Variants in WWOX observed in about 807,000 individuals in gnomAD.
WWOX encodes WW domain containing oxidoreductase.
A neutral mutation model predicts 46.2 loss-of-function variants in WWOX; 69 were observed. That is an observed-to-expected ratio of 1.49 (90% confidence interval 1.23 to 1.82). The LOEUF is 1.82. WWOX is among the 40% of genes most tolerant of loss of function. The pLI is 0.00. For missense variants in WWOX, 919 were observed against 542.6 expected (o/e 1.69, Z -6.89); for synonymous variants, 359 against 202.6 (o/e 1.77, Z -6.56).
intron 8 of WWOX, among the ~76,000 whole-genome samples, chr16:79,022,345 A>G (rs1000675144): frequency 1.5e-5 from 1 of 65,254 alleles, no homozygotes; most frequent in African/African-American, 9.4e-5. Context: ...AATCTGTGGC[A>G]AAAAAAAAAA....
intron 5 of WWOX, among the ~76,000 whole-genome samples, chr16:78,380,419 A>G (rs145270760): frequency 1.6e-3 from 238 of 152,276 alleles, no homozygotes; most frequent in Admixed American, 4.1e-3. Context: ...AAGATGCTAT[A>G]GGGATAAATA....
intron 8 of WWOX, among the ~76,000 whole-genome samples, chr16:78,709,630 C>G (rs2048396559): frequency 6.6e-6 from 1 of 152,094 alleles, no homozygotes; most frequent in Non-Finnish European, 1.5e-5. Context: ...CATTTCAGGC[C>G]TTTTAACAGG....
At chr16:79,002,518 C>G (rs13337599) in intron 8 of WWOX, among the ~76,000 whole-genome samples, 4 of 152,052 alleles carry the variant, frequency 2.6e-5, no homozygotes, top group African/African-American at 7.2e-5. Context: ...CCACCGCACC[C>G]GGCCCCTGCC....
chr16:78,160,229 C>A (rs1008928399), intron 4 of WWOX, among the ~76,000 whole-genome samples: 7 of 151,900 alleles, frequency 4.6e-5, no homozygotes, highest in African/African-American at 1.7e-4. Context: ...GTCACCCAGG[C>A]TGGAGTGAAG....
chr16:78,783,726 T>C (rs371857346), intron 8 of WWOX, among the ~76,000 whole-genome samples: 1 of 76,690 alleles, frequency 1.3e-5, no homozygotes, highest in Non-Finnish European at 2.6e-5. Flanking sequence ...GGTGATGATG[T>C]TGATGTTGAT....
chr16:78,679,781 C>G (rs941189057), intron 8 of WWOX, among the ~76,000 whole-genome samples: 1 of 152,116 alleles, frequency 6.6e-6, no homozygotes. Flanking sequence ...TGATGGCTGC[C>G]AAGAGAACAG....
At chr16:78,186,835 C>T (rs117417132) in intron 5 of WWOX, among the ~76,000 whole-genome samples, 1,688 of 152,274 alleles carry the variant, frequency 0.011, 50 homozygotes, top group East Asian at 0.065. Context: ...GAAGAATAGT[C>T]TATAGTATTC....
chr16:79,211,046 TGTGTGTGTGTGC>T (rs2051723617), intron 8 of WWOX, among the ~76,000 whole-genome samples: 1 of 151,888 alleles, frequency 6.6e-6, no homozygotes, highest in African/African-American at 2.4e-5. Flanking sequence ...TGTGTGTGTG[TGTGTGTGTGTGC>T]ATTAAATGTT....
chr16:78,132,814 A>G (rs542919746), intron 4 of WWOX, among the ~76,000 whole-genome samples: 2 of 152,294 alleles, frequency 1.3e-5, no homozygotes, highest in Admixed American at 1.3e-4. Flanking sequence ...AATGCTGGTT[A>G]TTAATCTGAC....
intron 8 of WWOX, among the ~76,000 whole-genome samples, chr16:78,785,789 G>A (rs1463859889): frequency 4.6e-5 from 7 of 151,782 alleles, no homozygotes; most frequent in Non-Finnish European, 2.9e-5. Context: ...ATCCTTCTTT[G>A]CTGAATTGGA....
intron 5 of WWOX, among the ~76,000 whole-genome samples, chr16:78,301,218 A>T (rs376512658): frequency 1.8e-4 from 28 of 152,370 alleles, no homozygotes; most frequent in South Asian, 1.0e-3. Context: ...AACAAGATTT[A>T]CTGAATTATT....
chr16:79,158,042 G>T (rs933492161), intron 8 of WWOX, among the ~76,000 whole-genome samples: 6 of 152,162 alleles, frequency 3.9e-5, no homozygotes, highest in African/African-American at 1.4e-4. Context: ...TGAGTTGTTT[G>T]CTGCCTCTAG....
intron 8 of WWOX, among the ~76,000 whole-genome samples, chr16:78,768,576 T>G (rs899029102): frequency 2.7e-5 from 4 of 146,966 alleles, no homozygotes; most frequent in East Asian, 2.0e-4. Context: ...GGTGACACAG[T>G]GAGACTTCAT....
At chr16:79,159,616 C>T (rs576935627) in intron 8 of WWOX, among the ~76,000 whole-genome samples, 3 of 152,256 alleles carry the variant, frequency 2.0e-5, no homozygotes, top group Non-Finnish European at 4.4e-5. Flanking sequence ...TGATGAGTCC[C>T]CCAGAGATTG....
intron 5 of WWOX, among the ~76,000 whole-genome samples, chr16:78,165,050 G>A (rs151112565): frequency 5.8e-3 from 885 of 152,344 alleles, no homozygotes; most frequent in Non-Finnish European, 8.3e-3. Context: ...CACAAGCCTG[G>A]AGATTTCAAG....
intron 5 of WWOX, among the ~76,000 whole-genome samples, chr16:78,200,951 A>C (rs2036211592): frequency 6.6e-6 from 1 of 152,222 alleles, no homozygotes; most frequent in African/African-American, 2.4e-5. Context: ...TTTTGATTGA[A>C]AGGTAAACAT....
intron 8 of WWOX, among the ~76,000 whole-genome samples, chr16:78,714,153 A>T (rs942986299): frequency 1.3e-5 from 2 of 152,194 alleles, no homozygotes; most frequent in Non-Finnish European, 1.5e-5. Flanking sequence ...TGTTAGATGT[A>T]CTGTCATTTC....
intron 8 of WWOX, among the ~76,000 whole-genome samples, chr16:79,168,642 G>A (rs565460260): frequency 2.6e-5 from 4 of 152,248 alleles, no homozygotes; most frequent in East Asian, 1.9e-4. Flanking sequence ...TACACTTGTC[G>A]ACTAGAATTT....
At chr16:78,396,273 A>T (rs910151775) in intron 6 of WWOX, among the ~76,000 whole-genome samples, 1 of 152,140 alleles carries the variant, frequency 6.6e-6, no homozygotes, top group Admixed American at 6.5e-5. Flanking sequence ...TTATTACATC[A>T]ATTAGGGGTC....
Sources: gnomAD v4.1 joint callset for allele counts (sites outside exome capture counted in the v4.1 genomes callset) on GRCh38, gnomAD v4.1.1 for gene constraint, MANE v1.5 for transcripts, NCBI Gene and HGNC (gene_info 2026-07-23, HGNC 2026-07-21) for gene names.